DRD3: variants seen among roughly 807,000 people sequenced by gnomAD.
The protein encoded by DRD3 is dopamine receptor D3, also known as D(3) dopamine receptor.
A neutral mutation model predicts 36.3 loss-of-function variants in DRD3; 19 were observed. The ratio of observed to expected loss-of-function variants is 0.52; its 90% CI spans 0.36 to 0.77. The LOEUF (loss-of-function observed/expected upper bound fraction) is 0.77, where lower values mean the gene tolerates loss of function less well. DRD3 is among the 30% of genes least tolerant of loss of function. The probability of loss-of-function intolerance (pLI) is 0.00; values close to 1 mark genes in which losing one functional copy is unlikely to be tolerated. For synonymous variants in DRD3, 195 were observed against 203.7 expected (o/e 0.96, Z 0.36); for missense variants, 465 against 505.3 (o/e 0.92, Z 0.77).
Position 114,169,442 on chromosome 3 carries a change from G to A in DRD3, c.270+2281C>T, listed in dbSNP as rs192233909. On this transcript the variant is annotated intron_variant, in intron 2 of 6. Coordinates refer to ENST00000383673, the MANE Select transcript of DRD3 (RefSeq NM_000796.6). ...GTCTCTGCTCCCCTGAATCTTCCTT[G>A]TGTGAATATAGATTTTAAAAATCAT... Among the ~76,000 whole-genome samples the A allele has an allele frequency of 1.2e-3, 189 of 151,380 alleles. 3 individuals are homozygous for A. The highest frequency in any genetic ancestry group is 0.011 in the South Asian group (50 of 4,756).
upstream of DRD3, among the ~76,000 whole-genome samples, chr3:114,179,672 TTC>T (rs1031985713): frequency 6.6e-6 from 1 of 152,072 alleles, no homozygotes; most frequent in Non-Finnish European, 1.5e-5. Context: ...CCATTTCCTG[TTC>T]TCTCTCTCTT....
rs1256815640 is a variant in DRD3, at chr3:114,139,574, G to A, written c.649C>T (p.Gln217Ter). ...VYARIYVVLKQRRRKRILTRQ... is the reference protein window; with the variant it reads ...VYARIYVVLK Reference sequence around the variant, plus strand: ...GTGAGGATCCTTTTCCGTCTCCTTTGTTTCAGCACCACATAGATTCTGGCA... The same window carrying A: ...GTGAGGATCCTTTTCCGTCTCCTTTATTTCAGCACCACATAGATTCTGGCA... The change falls in exon 5 of 7, where the codon CAA (glutamine) becomes TAA (stop). Residue 217 changes from glutamine to a stop codon, truncating the protein, a stop_gained. Transcript: ENST00000383673. LOFTEE classifies it high-confidence loss of function. The A allele has an allele frequency of 2.5e-6, 4 of 1,614,154 alleles. No homozygotes were observed. The East Asian group carries it at 8.9e-5, about 36-fold the overall frequency.
intron 5 of DRD3, among the ~76,000 whole-genome samples, chr3:114,133,516 TA>T (rs371184129): frequency 3.5e-5 from 5 of 143,918 alleles, no homozygotes; most frequent in Admixed American, 6.9e-5. Flanking sequence ...TAATAGAAAT[TA>T]AAAAAAAAAA....
At position 114,171,968 on chromosome 3, in the gene DRD3, C is replaced by T. The variant is rs6280; in HGVS notation, c.25G>A (p.Gly9Ser). 961,010 of 1,496,244 alleles carry T rather than the reference C, an allele frequency of 0.64. 316,020 individuals are homozygous for T. The highest frequency in any genetic ancestry group is 0.71 in the East Asian group (28,042 of 39,370). 92.7% of individuals were successfully genotyped at this position (1,496,244 alleles called of 1,614,324 possible). A position where few individuals can be genotyped will look rare whatever the true frequency, so the allele number is the denominator to read the frequency against. MASLSQLS[G>S]HLNYTCGAEN... is the part of the protein sequence containing the mutation. ...GCCCCACAGGTGTAGTTCAGGTGGC[C>T]ACTCAGCTGGCTCAGAGATGCCATA... Residue 9 changes from glycine to serine, a missense_variant, in exon 2 of 7, where the codon GGC becomes AGC. Physicochemically the swap from Gly to Ser is moderately conservative, Grantham distance 56. Coordinates refer to ENST00000383673, the MANE Select transcript of DRD3 (RefSeq NM_000796.6).
At chr3:114,160,891 C>A (rs755218850) in intron 2 of DRD3, among the ~76,000 whole-genome samples, 1 of 152,054 alleles carries the variant, frequency 6.6e-6, no homozygotes, top group African/African-American at 2.4e-5. Flanking sequence ...ATGCATCTAT[C>A]TATACATGTA....
chr3:114,156,787 CTTTCTTTCTTTCTCT>C (rs2077679830), intron 3 of DRD3, among the ~76,000 whole-genome samples: 4 of 74,796 alleles, frequency 5.3e-5, no homozygotes, highest in East Asian at 3.9e-4. Flanking sequence ...TTCTTTCTTT[CTTTCTTTCTTTCTCT>C]TTTCTTTTTC....
intron 1 of DRD3, chr3:114,176,137 G>A (rs1183783748): frequency 6.6e-6 from 1 of 152,078 alleles, no homozygotes; most frequent in Non-Finnish European, 1.5e-5. Flanking sequence ...AACATTCGTG[G>A]GGTTCCTCCT....
intron 3 of DRD3, among the ~76,000 whole-genome samples, chr3:114,149,002 T>G (rs541718692): frequency 9.2e-5 from 14 of 152,306 alleles, no homozygotes; most frequent in African/African-American, 3.1e-4. Flanking sequence ...TGTGAGGCAC[T>G]GTGCTCAGCC....
chr3:114,156,540 C>T (rs1315983293), intron 3 of DRD3, among the ~76,000 whole-genome samples: 1 of 151,906 alleles, frequency 6.6e-6, no homozygotes, highest in African/African-American at 2.4e-5. Context: ...TCCTATGATC[C>T]CTTACCTGAA....
intron 5 of DRD3, among the ~76,000 whole-genome samples, chr3:114,137,997 CAAAAAAAA>C (rs36094182): frequency 1.3e-4 from 8 of 62,226 alleles, no homozygotes; most frequent in Admixed American, 4.3e-4. Flanking sequence ...GACTCCGTCT[CAAAAAAAA>C]AAAAAAAAAA....
Position 114,139,614 on chromosome 3 carries a change from C to T in DRD3, c.609G>A (p.Val203=). The T allele has an allele frequency of 1.9e-6, 3 of 1,614,134 alleles. No individual in the cohort carries two copies. The highest frequency in any genetic ancestry group is 2.5e-6 in the Non-Finnish European group (3 of 1,180,026). ...SVVSFYLPFG[V]TVLVYARIYV... is the part of the protein sequence containing the mutation. ...AGATTCTGGCATAGACAAGGACAGTCACTCCAAAGGGCAGGTAGAAGGACA... is the reference window on the plus strand; with the variant it reads ...AGATTCTGGCATAGACAAGGACAGTTACTCCAAAGGGCAGGTAGAAGGACA... The change falls in exon 5 of 7, where the codon GTG becomes GTA. Residue 203 remains valine (V), a synonymous_variant. Coordinates refer to ENST00000383673, the MANE Select transcript of DRD3 (RefSeq NM_000796.6).
Position 114,175,511 on chromosome 3 carries a change from G to A in DRD3, c.-36+3146C>T, listed in dbSNP as rs531831451. ...AGCAGGGAGGAAGTTGAAACAATTA[G>A]CTGAGAGACAGAGAGTAATCTAGCA... On this transcript the variant is annotated intron_variant, in intron 1 of 6. Coordinates refer to ENST00000383673, the MANE Select transcript of DRD3 (RefSeq NM_000796.6). Among the ~76,000 whole-genome samples, 12 of 152,250 alleles carry A rather than the reference G, an allele frequency of 7.9e-5. No homozygotes were observed. In the South Asian group the frequency reaches 2.3e-3, roughly 29 times the overall value.
intron 2 of DRD3, among the ~76,000 whole-genome samples, chr3:114,161,663 G>A (rs1559993553): frequency 6.6e-6 from 1 of 152,078 alleles, no homozygotes; most frequent in Non-Finnish European, 1.5e-5. Context: ...TATAAATAAA[G>A]GCTGAATATG....
At chr3:114,168,470 G>A (rs2077807724) in intron 2 of DRD3, among the ~76,000 whole-genome samples, 1 of 152,056 alleles carries the variant, frequency 6.6e-6, no homozygotes. Flanking sequence ...TGCAGCTAAA[G>A]GTGGCCTCAT....
chr3:114,138,162 C>T (rs2077491589), intron 5 of DRD3, among the ~76,000 whole-genome samples: 1 of 77,724 alleles, frequency 1.3e-5, no homozygotes, highest in South Asian at 5.4e-4. Context: ...GAGCGAGACT[C>T]TGTCTCAAAA....
At position 114,171,703 on chromosome 3, in the gene DRD3, T is replaced by C. The variant is rs375257153; in HGVS notation, c.270+20A>G. On this transcript the variant is annotated intron_variant, in intron 2 of 6. Coordinates refer to ENST00000383673, the MANE Select transcript of DRD3 (RefSeq NM_000796.6). ...TACTAGCACAGTCATAGAGACAACA[T>C]GCACCTGAAGTCTACTCACCTCCAG... The C allele has an allele frequency of 5.9e-5, 93 of 1,565,970 alleles. No individual in the cohort carries two copies. The highest frequency in any genetic ancestry group is 8.0e-5 in the Non-Finnish European group (92 of 1,155,120).
intron 3 of DRD3, among the ~76,000 whole-genome samples, chr3:114,152,009 T>A (rs2077622468): frequency 6.6e-6 from 1 of 152,218 alleles, no homozygotes; most frequent in African/African-American, 2.4e-5. Flanking sequence ...TTCTGGAGAT[T>A]TTGATTTAGT....
chr3:114,129,879 G>A (rs1290193561), intron 6 of DRD3, among the ~76,000 whole-genome samples: 2 of 152,140 alleles, frequency 1.3e-5, no homozygotes, highest in East Asian at 1.9e-4. Context: ...CTAACATGGC[G>A]AAACCTTGTC....
chr3:114,139,144 C>G (rs2077501056), intron 5 of DRD3, among the ~76,000 whole-genome samples: 2 of 152,208 alleles, frequency 1.3e-5, no homozygotes, highest in African/African-American at 2.4e-5. Context: ...AAAGTCAGTT[C>G]TGGGAACCCA....
Sources: gnomAD v4.1 joint callset for allele counts (sites outside exome capture counted in the v4.1 genomes callset) on GRCh38, gnomAD v4.1.1 for gene constraint, MANE v1.5 for transcripts, NCBI Gene and HGNC (gene_info 2026-07-23, HGNC 2026-07-21) for gene names.